TCF7L1: variants seen among roughly 807,000 people sequenced by gnomAD.
TCF7L1 encodes the protein transcription factor 7 like 1, also known as transcription factor 7-like 1.
TCF7L1 carries 18 observed loss-of-function variants against 63.7 expected under a neutral mutation model. The observed-to-expected ratio is 0.28, with a 90% CI of 0.20 to 0.42. TCF7L1 has a LOEUF of 0.42. Ranked by LOEUF, TCF7L1 falls within the 10% of genes least tolerant of loss-of-function variation. The pLI, the probability that TCF7L1 is intolerant of heterozygous loss-of-function variation, is 1.00. For missense variants in TCF7L1, 654 were observed against 779.3 expected (o/e 0.84, Z 1.91); for synonymous variants, 355 against 340.9 (o/e 1.04, Z -0.46).
At chr2:85,271,800 T>C (rs1681158329) in intron 3 of TCF7L1, among the ~76,000 whole-genome samples, 1 of 152,224 alleles carries the variant, frequency 6.6e-6, no homozygotes, top group African/African-American at 2.4e-5. Context: ...GGCAGTCCTG[T>C]AAGAATGAGT....
chr2:85,133,408 C>G lies in TCF7L1; in HGVS notation c.-277C>G, dbSNP rs1394934864. On this transcript the variant is annotated 5_prime_UTR_variant, in exon 1 of 12. Transcript: ENST00000282111. This position sits in a 1 kb window ranked among gnomAD's most constrained non-coding sequence, Gnocchi z 4.4. ...TCCCTCCCCGCTCGCCCCTCCCCGGCGGGCCAGGGGCTGGGACGCCCCGGC... is the reference window on the plus strand; with the variant it reads ...TCCCTCCCCGCTCGCCCCTCCCCGGGGGGCCAGGGGCTGGGACGCCCCGGC... 1 of 151,658 alleles carries G rather than the reference C, an allele frequency of 6.6e-6. No homozygotes were observed. Among genetic ancestry groups the G allele is most frequent in the Non-Finnish European group, 1.5e-5 (1 of 67,922 alleles). 9.4% of individuals were successfully genotyped at this position (151,658 alleles called of 1,614,324 possible).
At chr2:85,283,462 C>A in intron 3 of TCF7L1, 33 bp from the exon 4 acceptor site, 1 of 1,613,152 alleles carries the variant, frequency 6.2e-7, no homozygotes, top group South Asian at 1.1e-5. Context: ...CCTCATCTCA[C>A]CAACAGCTTT....
At position 85,290,405 on chromosome 2, in the gene TCF7L1, G is replaced by A. The variant is rs2104376257; in HGVS notation, c.525+6827G>A. ...TGCTCAGGCTGGCCTTGCACTCCTGGCCTCAAGTGATCCGCCTGCCTCAGT... is the reference window on the plus strand; with the variant it reads ...TGCTCAGGCTGGCCTTGCACTCCTGACCTCAAGTGATCCGCCTGCCTCAGT... On this transcript the variant is annotated intron_variant, in intron 4 of 11. Transcript: ENST00000282111. 1.3e-5 allele frequency among the ~76,000 whole-genome samples: 2 copies of A among 152,224 alleles called. 1 individual carries two copies. The highest frequency in any genetic ancestry group is 3.9e-4 in the East Asian group (2 of 5,172).
In TCF7L1 at chr2:85,213,404, C is replaced by T. The variant is rs552788215; in HGVS notation, c.442-70091C>T. On this transcript the variant is annotated intron_variant, in intron 3 of 11. Coordinates refer to ENST00000282111, the MANE Select transcript of TCF7L1 (RefSeq NM_031283.3). Reference sequence around the variant, plus strand: ...ATGACACCTCTCTGATTGTCTCACACTTAGAAGTAATACCCAAAAATAGCC... The same window carrying T: ...ATGACACCTCTCTGATTGTCTCACATTTAGAAGTAATACCCAAAAATAGCC... 4.6e-5 allele frequency among the ~76,000 whole-genome samples: 7 copies of T among 152,264 alleles called. No homozygotes were observed. In the South Asian group the frequency reaches 1.5e-3, roughly 32 times the overall value.
At chr2:85,289,221 A>AGTGT (rs10701623) in intron 4 of TCF7L1, among the ~76,000 whole-genome samples, 52,712 of 146,276 alleles carry the variant, frequency 0.36, 10,956 homozygotes, top group Non-Finnish European at 0.49. Context: ...TTCAGTCTGG[A>AGTGT]GTGTGTGTGT....
chr2:85,247,720 C>T (rs933587440), intron 3 of TCF7L1, among the ~76,000 whole-genome samples: 2 of 152,168 alleles, frequency 1.3e-5, no homozygotes, highest in Non-Finnish European at 2.9e-5. Flanking sequence ...TAAGCATTAA[C>T]GTTGCAGCTG....
chr2:85,193,335 T>C (rs1679080449), intron 3 of TCF7L1, among the ~76,000 whole-genome samples: 1 of 152,126 alleles, frequency 6.6e-6, no homozygotes, highest in Non-Finnish European at 1.5e-5. Flanking sequence ...CTAAGTGATA[T>C]TTAGTCTGGG....
intron 3 of TCF7L1, among the ~76,000 whole-genome samples, chr2:85,273,032 G>A (rs1026066998): frequency 1.3e-5 from 2 of 152,140 alleles, no homozygotes; most frequent in African/African-American, 4.8e-5. Context: ...CAGCCTTCTG[G>A]GGGCTGAGAA....
At chr2:85,170,323 A>G (rs1243069788) in intron 3 of TCF7L1, among the ~76,000 whole-genome samples, 1 of 152,230 alleles carries the variant, frequency 6.6e-6, no homozygotes, top group Non-Finnish European at 1.5e-5. Flanking sequence ...CACTTTGTAA[A>G]ATCAAGTCAA....
intron 3 of TCF7L1, among the ~76,000 whole-genome samples, chr2:85,254,471 A>G (rs1680662336): frequency 6.6e-6 from 1 of 152,198 alleles, no homozygotes; most frequent in Non-Finnish European, 1.5e-5. Flanking sequence ...GTTGTTTCAT[A>G]GCCATTTAGA....
intron 3 of TCF7L1, among the ~76,000 whole-genome samples, chr2:85,258,314 C>CG (rs1042275994): frequency 7.2e-5 from 11 of 152,150 alleles, no homozygotes; most frequent in African/African-American, 2.7e-4. Flanking sequence ...CAGGAATCCA[C>CG]GGAGCTGAGG....
intron 3 of TCF7L1, among the ~76,000 whole-genome samples, chr2:85,159,735 T>G (rs1678241113): frequency 6.6e-6 from 1 of 152,230 alleles, no homozygotes; most frequent in African/African-American, 2.4e-5. Flanking sequence ...TAGGGTGAAG[T>G]GTAACATCTG....
chr2:85,309,369 T>C lies in TCF7L1; in HGVS notation c.1674T>C (p.Ser558=), dbSNP rs760918174. ...CCATGCCCACAGCTCTGCTGGCCTCTCCCCCGTCCTTCCCCGCCACGCTCC... is the reference window on the plus strand; with the variant it reads ...CCATGCCCACAGCTCTGCTGGCCTCCCCCCCGTCCTTCCCCGCCACGCTCC... ...LGSMPTALLA[S]PPSFPATLHA... Residue 558 remains serine (S), a synonymous_variant, in exon 12 of 12, where the codon TCT becomes TCC. Coordinates refer to ENST00000282111, the MANE Select transcript of TCF7L1 (RefSeq NM_031283.3). The C allele has an allele frequency of 1.2e-6, 2 of 1,603,670 alleles. No individual in the cohort carries two copies. Among genetic ancestry groups the C allele is most frequent in the South Asian group, 2.2e-5 (2 of 89,778 alleles).
chr2:85,225,192 A>G (rs1446308390), intron 3 of TCF7L1, among the ~76,000 whole-genome samples: 3 of 152,130 alleles, frequency 2.0e-5, no homozygotes, highest in Non-Finnish European at 4.4e-5. Context: ...GCCTTGTAGT[A>G]TATTTGAAGT....
chr2:85,232,518 G>T (rs769860154), intron 3 of TCF7L1, among the ~76,000 whole-genome samples: 7 of 152,086 alleles, frequency 4.6e-5, no homozygotes, highest in African/African-American at 1.4e-4. Context: ...GTCTCATTCC[G>T]CCAAGACCTC....
At chr2:85,251,285 T>C (rs1000572829) in intron 3 of TCF7L1, among the ~76,000 whole-genome samples, 2 of 152,250 alleles carry the variant, frequency 1.3e-5, no homozygotes, top group Non-Finnish European at 2.9e-5. Flanking sequence ...GGTAGGTCAC[T>C]GCCCTGCTTA....
intron 3 of TCF7L1, among the ~76,000 whole-genome samples, chr2:85,182,816 T>A (rs1558626399): frequency 6.6e-6 from 1 of 152,222 alleles, no homozygotes; most frequent in Non-Finnish European, 1.5e-5. Flanking sequence ...TCTGCTGTCT[T>A]CCTGAGTGGT....
intron 3 of TCF7L1, among the ~76,000 whole-genome samples, chr2:85,153,308 C>T (rs1249686319): frequency 6.8e-6 from 1 of 147,582 alleles, no homozygotes. Context: ...TTTTAGTGGT[C>T]CTGGGTTTCA....
intron 3 of TCF7L1, among the ~76,000 whole-genome samples, chr2:85,260,466 G>A (rs1680832675): frequency 6.6e-6 from 1 of 151,580 alleles, no homozygotes; most frequent in Non-Finnish European, 1.5e-5. Flanking sequence ...GTGAGACCTC[G>A]TCTCTACAAT....
Sources: gnomAD v4.1 joint callset for allele counts (sites outside exome capture counted in the v4.1 genomes callset) on GRCh38, gnomAD v4.1.1 for gene constraint, Gnocchi (gnomAD v3.1) non-coding constraint, MANE v1.5 for transcripts, NCBI Gene and HGNC (gene_info 2026-07-23, HGNC 2026-07-21) for gene names.